Variants in JAZF1 observed in about 807,000 individuals in gnomAD.
JAZF1 encodes the protein JAZF zinc finger 1.
In JAZF1, 8 loss-of-function variants were observed where a neutral mutation model predicts 26.4. The observed-to-expected ratio is 0.30, with a 90% CI of 0.18 to 0.55. The LOEUF is 0.55. Among genes scored for constraint, JAZF1 ranks in the 20% least tolerant of loss-of-function variants. The probability of loss-of-function intolerance (pLI) is 0.94; values close to 1 mark genes in which losing one functional copy is unlikely to be tolerated. For synonymous variants in JAZF1, 126 were observed against 122.3 expected, an observed-to-expected ratio of 1.03 and a Z score of -0.20; for missense variants, 199 against 322.0, an observed-to-expected ratio of 0.62 and a Z score of 2.92.
chr7:27,985,187 A>G (rs1785673774), intron 2 of JAZF1, among the ~76,000 whole-genome samples: 1 of 152,236 alleles, frequency 6.6e-6, no homozygotes, highest in Non-Finnish European at 1.5e-5. Context: ...AAAGATCAAC[A>G]AAATTGATAG....
intron 1 of JAZF1, among the ~76,000 whole-genome samples, chr7:28,094,217 G>T (rs1031479134): frequency 6.6e-6 from 1 of 152,062 alleles, no homozygotes; most frequent in Admixed American, 6.5e-5. Context: ...TTTCTTTTTC[G>T]GATCAAGAGA....
chr7:27,946,462 T>A (rs1245618141), intron 2 of JAZF1, among the ~76,000 whole-genome samples: 2 of 152,208 alleles, frequency 1.3e-5, no homozygotes, highest in Non-Finnish European at 2.9e-5. Flanking sequence ...TTGTTTTAAC[T>A]GAAATTCTCC....
At chr7:27,849,384 T>G (rs142738953) in intron 3 of JAZF1, among the ~76,000 whole-genome samples, 9 of 152,340 alleles carry the variant, frequency 5.9e-5, no homozygotes, top group Admixed American at 1.3e-4. Flanking sequence ...GTCTCAGATA[T>G]GATTAATCAA....
intron 2 of JAZF1, among the ~76,000 whole-genome samples, chr7:27,981,542 G>C (rs1192978481): frequency 1.3e-5 from 2 of 152,170 alleles, no homozygotes; most frequent in Admixed American, 1.3e-4. Context: ...AATGACTAAA[G>C]AGTAGATTAT....
intron 1 of JAZF1, among the ~76,000 whole-genome samples, chr7:28,123,916 T>C (rs557860915): frequency 1.3e-5 from 2 of 152,270 alleles, no homozygotes; most frequent in Admixed American, 6.5e-5. Flanking sequence ...GAAACCCCAT[T>C]TCCTGGCTCT....
At chr7:28,143,233 C>G (rs531819955) in intron 1 of JAZF1, among the ~76,000 whole-genome samples, 1 of 152,318 alleles carries the variant, frequency 6.6e-6, no homozygotes, top group African/African-American at 2.4e-5. Context: ...GTGCTGTTCC[C>G]TGCTCAGGAA....
chr7:28,059,842 G>T (rs1783770333), intron 1 of JAZF1, among the ~76,000 whole-genome samples: 1 of 152,142 alleles, frequency 6.6e-6, no homozygotes, highest in African/African-American at 2.4e-5. Context: ...TCCTTTGAAA[G>T]CTACATGTCT....
intron 1 of JAZF1, among the ~76,000 whole-genome samples, chr7:28,159,493 G>C (rs1047135413): frequency 1.3e-5 from 2 of 151,998 alleles, no homozygotes; most frequent in Non-Finnish European, 2.9e-5. Flanking sequence ...GACCTTCGAG[G>C]GGGCGTGGGC....
At chr7:27,979,366 ATTTTTTTTTTT>A (rs55737757) in intron 2 of JAZF1, among the ~76,000 whole-genome samples, 592 of 58,274 alleles carry the variant, frequency 0.01, 6 homozygotes, top group South Asian at 0.029. Context: ...GGTACACTAC[ATTTTTTTTTTT>A]TTTTTTTTTT....
chr7:28,179,622 C>T (rs572686024), intron 1 of JAZF1, among the ~76,000 whole-genome samples: 1 of 150,648 alleles, frequency 6.6e-6, no homozygotes, highest in Non-Finnish European at 1.5e-5. Flanking sequence ...GACCCCGGGG[C>T]GCTGGGCGCG....
chr7:28,092,814 T>A (rs1164491861), intron 1 of JAZF1, among the ~76,000 whole-genome samples: 1 of 151,668 alleles, frequency 6.6e-6, no homozygotes, highest in African/African-American at 2.4e-5. Flanking sequence ...TGAGCCGTAA[T>A]TACACAACTG....
chr7:27,834,498 C>A (rs1562756696), intron 4 of JAZF1, among the ~76,000 whole-genome samples: 1 of 152,234 alleles, frequency 6.6e-6, no homozygotes, highest in Non-Finnish European at 1.5e-5. Flanking sequence ...TGGCTCCAGG[C>A]CTTCTGCACC....
chr7:28,176,030 T>C (rs1305435680), intron 1 of JAZF1, among the ~76,000 whole-genome samples: 2 of 152,204 alleles, frequency 1.3e-5, no homozygotes, highest in African/African-American at 4.8e-5. Flanking sequence ...CCTTTATTAA[T>C]TAGACGGTTT....
chr7:27,920,088 T>C (rs1784503969), intron 2 of JAZF1, among the ~76,000 whole-genome samples: 1 of 152,168 alleles, frequency 6.6e-6, no homozygotes, highest in Admixed American at 6.5e-5. Context: ...CTAATCCACA[T>C]TATTGTAAGG....
intron 1 of JAZF1, among the ~76,000 whole-genome samples, chr7:28,112,749 G>A (rs1295675137): frequency 1.3e-5 from 2 of 152,180 alleles, no homozygotes; most frequent in African/African-American, 4.8e-5. Context: ...GGGAGGCAGG[G>A]GAGGAAGGGG....
At chr7:27,893,516 T>C (rs919453257) in intron 3 of JAZF1, among the ~76,000 whole-genome samples, 2 of 152,214 alleles carry the variant, frequency 1.3e-5, no homozygotes, top group African/African-American at 2.4e-5. Flanking sequence ...TCCCCCTCCA[T>C]GGAGCCTTTG....
intron 1 of JAZF1, among the ~76,000 whole-genome samples, chr7:28,023,096 G>C (rs941234532): frequency 2.0e-5 from 3 of 152,190 alleles, no homozygotes; most frequent in African/African-American, 7.2e-5. Context: ...AATGACTTAA[G>C]ACAGGGGTAG....
At chr7:27,938,037 A>G (rs531195803) in intron 2 of JAZF1, among the ~76,000 whole-genome samples, 2 of 152,354 alleles carry the variant, frequency 1.3e-5, no homozygotes, top group Admixed American at 6.5e-5. Flanking sequence ...CAGGATGGAT[A>G]CACTCAATTT....
intron 1 of JAZF1, among the ~76,000 whole-genome samples, chr7:28,102,824 G>T (rs142969873): frequency 3.3e-5 from 5 of 152,288 alleles, no homozygotes; most frequent in Non-Finnish European, 7.3e-5. Context: ...ATAAGATACT[G>T]CTGCTAAAAT....
Sources: allele counts gnomAD v4.1 joint callset (sites outside exome capture counted in the v4.1 genomes callset), GRCh38; gene constraint gnomAD v4.1.1; transcripts MANE v1.5; gene names NCBI Gene and HGNC (gene_info 2026-07-23, HGNC 2026-07-21).